ST18: variants seen among roughly 807,000 people sequenced by gnomAD.
ST18 encodes ST18 C2H2C-type zinc finger transcription factor.
ST18 carries 50 observed loss-of-function variants against 110.0 expected under a neutral mutation model. The ratio of observed to expected loss-of-function variants is 0.45; its 90% confidence interval spans 0.36 to 0.58. The LOEUF (loss-of-function observed/expected upper bound fraction) is 0.58, where lower values mean the gene tolerates loss of function less well. Among genes scored for constraint, ST18 ranks in the 20% least tolerant of loss-of-function variants. The probability of loss-of-function intolerance (pLI) is 0.00; values close to 1 mark genes in which losing one functional copy is unlikely to be tolerated. For missense variants in ST18, 1,306 were observed against 1,280.1 expected (o/e 1.02, Z -0.31); for synonymous variants, 461 against 452.4 (o/e 1.02, Z -0.24).
At position 52,274,140 on chromosome 8, in the gene ST18, T is replaced by C. The variant is rs560846831; in HGVS notation, c.-464-44063A>G. Among the ~76,000 whole-genome samples, 155 of 152,282 alleles carry C rather than the reference T, an allele frequency of 1.0e-3. 2 individuals carry two copies. Among genetic ancestry groups the C allele is most frequent in the African/African-American group, 3.4e-3 (141 of 41,570 alleles). ...TAAAGAAGAACAGGCCAACTGTTAA[T>C]AGAAAGCTTGAAAATAATTGAAACT... On this transcript the variant is annotated intron_variant, in intron 2 of 25. Transcript: ENST00000689386.
At chr8:52,161,343 T>C (rs544593102) in intron 14 of ST18, 32 bp downstream of exon 14, 4 of 1,600,996 alleles carry the variant, frequency 2.5e-6, no homozygotes, top group East Asian at 4.5e-5. Context: ...AAGAAGCATT[T>C]TGGGGAAACG....
chr8:52,243,210 T>G (rs1589186235), intron 2 of ST18, among the ~76,000 whole-genome samples: 1 of 152,216 alleles, frequency 6.6e-6, no homozygotes, highest in East Asian at 1.9e-4. Flanking sequence ...GAATTATTTT[T>G]CAAATTCATA....
At chr8:52,175,312 T>C (rs918095658) in intron 9 of ST18, among the ~76,000 whole-genome samples, 1 of 152,072 alleles carries the variant, frequency 6.6e-6, no homozygotes, top group Non-Finnish European at 1.5e-5. Context: ...TGGGCTTAGT[T>C]TTTTACCTAG....
intron 2 of ST18, among the ~76,000 whole-genome samples, chr8:52,353,226 TA>T (rs1372936085): frequency 6.6e-6 from 1 of 152,260 alleles, no homozygotes; most frequent in Non-Finnish European, 1.5e-5. Context: ...GAACATTTAA[TA>T]ATGTACCTCA....
At chr8:52,125,621 A>G (rs1303513146) in intron 23 of ST18, among the ~76,000 whole-genome samples, 3 of 151,838 alleles carry the variant, frequency 2.0e-5, no homozygotes, top group Non-Finnish European at 2.9e-5. Context: ...CTTCCAGAGT[A>G]ACTGGGACTA....
chr8:52,328,588 C>T (rs1241416407), intron 2 of ST18, among the ~76,000 whole-genome samples: 1 of 152,162 alleles, frequency 6.6e-6, no homozygotes. Flanking sequence ...AAGCTCCCTC[C>T]ATCACCCAGG....
intron 22 of ST18, among the ~76,000 whole-genome samples, chr8:52,127,615 G>A (rs1314690676): frequency 6.6e-6 from 1 of 152,140 alleles, no homozygotes; most frequent in African/African-American, 2.4e-5. Flanking sequence ...TCTACTCTGT[G>A]CAGACAACAT....
chr8:52,366,662 T>C (rs1447235495), intron 2 of ST18, among the ~76,000 whole-genome samples: 2 of 152,204 alleles, frequency 1.3e-5, no homozygotes, highest in African/African-American at 2.4e-5. Context: ...CCTTCCCTTA[T>C]GTGAACTGTA....
chr8:52,172,514 T>C lies in ST18; in HGVS notation c.347A>G (p.Glu116Gly). 2 of 1,613,106 alleles carry C rather than the reference T, an allele frequency of 1.2e-6. No individual in the cohort carries two copies. Among genetic ancestry groups the C allele is most frequent in the Non-Finnish European group, 1.7e-6 (2 of 1,179,830 alleles). ...CTCTTGATAACAAGAGTATCTGTCTTCCTTCCTACTGGAGTTTTCTTGTGC... is the reference window on the plus strand; with the variant it reads ...CTCTTGATAACAAGAGTATCTGTCTCCCTTCCTACTGGAGTTTTCTTGTGC... ...STAQENSSRK[E>G]DRYSCYQELM... Residue 116 changes from glutamate (E) to glycine (G), a missense_variant, in exon 10 of 26, where the codon GAA becomes GGA. Transcript: ENST00000689386.
chr8:52,288,420 G>T (rs2095502444), intron 2 of ST18, among the ~76,000 whole-genome samples: 1 of 152,098 alleles, frequency 6.6e-6, no homozygotes, highest in African/African-American at 2.4e-5. Flanking sequence ...GTATTAATAG[G>T]CTGGGCATAG....
chr8:52,180,124 G>C lies in ST18; in HGVS notation c.275C>G (p.Ala92Gly), dbSNP rs2068761021. The C allele has an allele frequency of 6.2e-7, 1 of 1,614,042 alleles. No homozygotes were observed. The highest frequency in any genetic ancestry group is 8.5e-7 in the Non-Finnish European group (1 of 1,179,982). Reference protein sequence around the residue: ...GPLETHGHSTAEEIMIKPMDE... With the variant: ...GPLETHGHSTGEEIMIKPMDE... Reference sequence around the variant, plus strand: ...GTTTGGGCTCTCCTCCTTGCTACCTGCGGTAGAGTGACCATGTGTTTCCAA... The same window carrying C: ...GTTTGGGCTCTCCTCCTTGCTACCTCCGGTAGAGTGACCATGTGTTTCCAA... Residue 92 changes from alanine (A) to glycine (G), a missense_variant and splice_region_variant, in exon 9 of 26, where the codon GCA (alanine) becomes GGA (glycine). Physicochemically the swap from Ala to Gly is moderately conservative, Grantham distance 60 (BLOSUM62 0). Coordinates refer to ENST00000689386, the MANE Select transcript of ST18 (RefSeq NM_001352837.2).
At chr8:52,152,563 C>A (rs778216802) in intron 15 of ST18, among the ~76,000 whole-genome samples, 5 of 152,188 alleles carry the variant, frequency 3.3e-5, no homozygotes, top group African/African-American at 9.7e-5. Flanking sequence ...TTTGAGCTAC[C>A]TGATGCTACC....
At chr8:52,130,688 A>G (rs2049222772) in intron 22 of ST18, among the ~76,000 whole-genome samples, 1 of 152,244 alleles carries the variant, frequency 6.6e-6, no homozygotes, top group African/African-American at 2.4e-5. Flanking sequence ...TTTGCCACCT[A>G]CAGAGTATGG....
intron 8 of ST18, among the ~76,000 whole-genome samples, chr8:52,211,038 A>G (rs7018033): frequency 0.13 from 19,090 of 152,212 alleles, 2,837 homozygotes; most frequent in African/African-American, 0.35. Context: ...TGGAAAGGTG[A>G]ACTAAACAGT....
At chr8:52,277,512 G>T (rs1174616113) in intron 2 of ST18, among the ~76,000 whole-genome samples, 1 of 152,154 alleles carries the variant, frequency 6.6e-6, no homozygotes, top group African/African-American at 2.4e-5. Context: ...TTCTTAGATC[G>T]CAGAAGAAAT....
intron 8 of ST18, 50 bp downstream of exon 8, chr8:52,212,029 T>A: frequency 6.4e-7 from 1 of 1,562,086 alleles, no homozygotes; most frequent in Non-Finnish European, 8.7e-7. Context: ...ATCATTCGAA[T>A]AATCAAGGCC....
intron 2 of ST18, among the ~76,000 whole-genome samples, chr8:52,341,864 G>T (rs6473708): frequency 9.2e-5 from 14 of 152,278 alleles, no homozygotes; most frequent in East Asian, 5.8e-4. Context: ...CCAGGGGAGG[G>T]GACAGCTGGT....
chr8:52,170,491 T>A (rs2064513773), intron 10 of ST18, among the ~76,000 whole-genome samples: 1 of 149,512 alleles, frequency 6.7e-6, no homozygotes, highest in Non-Finnish European at 1.5e-5. Flanking sequence ...AATAAATAAA[T>A]AAATAAAAAT....
intron 2 of ST18, among the ~76,000 whole-genome samples, chr8:52,396,113 A>G (rs1056000918): frequency 1.3e-5 from 2 of 152,216 alleles, no homozygotes; most frequent in African/African-American, 2.4e-5. Flanking sequence ...GAAGCAGATT[A>G]ATGTACCTTC....
Sources: gnomAD v4.1 joint callset for allele counts (sites outside exome capture counted in the v4.1 genomes callset) on GRCh38, gnomAD v4.1.1 for gene constraint, MANE v1.5 for transcripts, NCBI Gene and HGNC (gene_info 2026-07-23, HGNC 2026-07-21) for gene names.